Variants in PCDHGA4 observed in about 807,000 individuals in gnomAD.
The protein encoded by PCDHGA4 is protocadherin gamma subfamily A, 4.
A neutral mutation model predicts 54.6 loss-of-function variants in PCDHGA4; 38 were observed. The observed-to-expected ratio is 0.70, with a 90% CI of 0.54 to 0.91. The LOEUF is 0.91. PCDHGA4 is among the 40% of genes least tolerant of loss of function. The pLI is 0.00. For missense variants in PCDHGA4, 1,298 were observed against 1,220.9 expected (o/e 1.06, Z -0.94); for synonymous variants, 511 against 512.9 (o/e 1.00, Z 0.05).
chr5:141,421,561 G>T (rs2096583505), intron 1 of PCDHGA4: 1 of 1,613,992 alleles, frequency 6.2e-7, no homozygotes, highest in Non-Finnish European at 8.5e-7. Context: ...ACTTCTCGTG[G>T]AAGACACCTT....
intron 1 of PCDHGA4, chr5:141,370,382 C>T (rs1326664452): frequency 6.5e-7 from 1 of 1,532,830 alleles, no homozygotes; most frequent in Non-Finnish European, 8.8e-7. Flanking sequence ...AAGGCAAAGG[C>T]GCAGAGAGCG....
chr5:141,428,324 T>C, intron 1 of PCDHGA4: 1 of 642,806 alleles, frequency 1.6e-6, no homozygotes, highest in Non-Finnish European at 2.8e-6. Flanking sequence ...TTGGCCTTGA[T>C]TTCTATGCTC....
intron 3 of PCDHGA4, chr5:141,508,010 CAAG>C (rs2099865550): frequency 6.6e-6 from 1 of 152,308 alleles, no homozygotes; most frequent in Non-Finnish European, 1.5e-5. Context: ...GGGATGCTCT[CAAG>C]GAGGCTGCGG....
At chr5:141,495,379 C>T (rs989240656) in intron 2 of PCDHGA4, among the ~76,000 whole-genome samples, 3 of 152,208 alleles carry the variant, frequency 2.0e-5, no homozygotes, top group Non-Finnish European at 4.4e-5. Context: ...TGAGGAAGGA[C>T]TGGGCGGGGC....
At position 141,398,657 on chromosome 5, in the gene PCDHGA4, G is replaced by A. The variant is rs776950213; in HGVS notation, c.2514+41036G>A. 3.1e-6 allele frequency: 5 copies of A among 1,614,018 alleles called. No individual in the cohort carries two copies. In the South Asian group the frequency reaches 5.5e-5, roughly 18 times the overall value. On this transcript the variant is annotated intron_variant, in intron 1 of 3. Transcript: ENST00000571252. ...AAGTATAAACTCTCTCTTAACCCAA[G>A]TTTCTCATTAATAATTAAGGAGAAA...
In PCDHGA4 at chr5:141,356,111, T is replaced by C; in HGVS notation, c.1004T>C (p.Leu335Ser). The C allele has an allele frequency of 1.2e-6, 2 of 1,613,818 alleles. No homozygotes were observed. Among genetic ancestry groups the C allele is most frequent in the Non-Finnish European group, 1.7e-6 (2 of 1,179,878 alleles). Residue 335 changes from leucine (L) to serine (S), a missense_variant, in exon 1 of 4, where the codon TTG becomes TCG. Transcript: ENST00000571252. ...LNSLSGDITI[L>S]GGLDYEDSGF... ...TCTCTGAGTGGGGATATAACAATAT[T>C]GGGGGGTCTAGATTATGAGGACTCT...
rs185280755 is a variant in PCDHGA4 at position 141,476,824 on chromosome 5, C to T, written c.2515-17983C>T. Reference sequence around the variant, plus strand: ...TGCCTATTCACATCAAGGTGCTGGACGCGAATGACAATGCGCCTGTCTTCA... The same window carrying T: ...TGCCTATTCACATCAAGGTGCTGGATGCGAATGACAATGCGCCTGTCTTCA... On this transcript the variant is annotated intron_variant, in intron 1 of 3. Transcript: ENST00000571252. This position sits in a 1 kb window ranked among gnomAD's most constrained non-coding sequence, Gnocchi z 7.6. 24 of 1,613,588 alleles carry T rather than the reference C, an allele frequency of 1.5e-5. No homozygotes were observed. The East Asian group carries it at 4.5e-4, about 30-fold the overall frequency.
rs1292783135 is a variant in PCDHGA4 at position 141,374,085 on chromosome 5, T to C, written c.2514+16464T>C. The stretch of plus-strand genomic sequence containing the variant: ...AGAGAAGTTCCTAATAAGCCAGTAA[T>C]GGCGCCTCCGCAGAGGCATCCGCAG... On this transcript the variant is annotated intron_variant, in intron 1 of 3. Coordinates refer to ENST00000571252, the MANE Select transcript of PCDHGA4 (RefSeq NM_018917.4). 12 of 1,528,732 alleles carry C rather than the reference T, an allele frequency of 7.8e-6. No individual in the cohort carries two copies. In the Admixed American group the frequency reaches 2.2e-4, roughly 28 times the overall value. 94.7% of individuals were successfully genotyped at this position (1,528,732 alleles called of 1,614,324 possible).
At chr5:141,420,259 G>A (rs775335307) in intron 1 of PCDHGA4, 8 of 1,564,678 alleles carry the variant, frequency 5.1e-6, no homozygotes, top group Non-Finnish European at 6.9e-6. Context: ...AAGCAGATAA[G>A]AAGATTCTTA....
intron 2 of PCDHGA4, among the ~76,000 whole-genome samples, chr5:141,500,187 TA>T (rs56304898): frequency 0.051 from 5,679 of 110,700 alleles, 126 homozygotes; most frequent in Middle Eastern, 0.14. Flanking sequence ...TTTTTATTTT[TA>T]TTTATTTATT....
intron 1 of PCDHGA4, chr5:141,430,744 C>T: frequency 6.7e-7 from 1 of 1,498,404 alleles, no homozygotes; most frequent in Non-Finnish European, 8.9e-7. Flanking sequence ...GAAAATAATT[C>T]TGGAGGAAGA....
At position 141,428,042 on chromosome 5, in the gene PCDHGA4, G is replaced by A; in HGVS notation, c.2515-66765G>A. The A allele has an allele frequency of 1.9e-6, 3 of 1,608,716 alleles. No individual in the cohort carries two copies. The South Asian group carries it at 3.3e-5, about 18-fold the overall frequency. On this transcript the variant is annotated intron_variant, in intron 1 of 3. Transcript: ENST00000571252. ...GCGCCGCAGAGTCCGGCTACCTGGT[G>A]ACCAAGGTGGTGGCGGTGGACGCAG...
intron 1 of PCDHGA4, chr5:141,388,667 G>A (rs1561620639): frequency 1.2e-6 from 2 of 1,613,918 alleles, no homozygotes; most frequent in Non-Finnish European, 8.5e-7. Flanking sequence ...GGACCACGGT[G>A]CTACAGGTGA....
At chr5:141,420,046 A>G (rs772981030) in intron 1 of PCDHGA4, 6 of 1,614,048 alleles carry the variant, frequency 3.7e-6, no homozygotes, top group South Asian at 1.1e-5. Context: ...GCTTTGAGTC[A>G]GTTCTCTGCT....
intron 1 of PCDHGA4, among the ~76,000 whole-genome samples, chr5:141,484,645 T>C (rs948669787): frequency 1.3e-5 from 2 of 151,970 alleles, no homozygotes; most frequent in Admixed American, 6.6e-5. Context: ...CACTCTCCAA[T>C]GGCTACTCTC....
chr5:141,389,286 T>C, intron 1 of PCDHGA4: 1 of 1,614,018 alleles, frequency 6.2e-7, no homozygotes, highest in Non-Finnish European at 8.5e-7. Context: ...GCCTGGAGCC[T>C]CTATTTCACA....
At chr5:141,474,419 A>AT (rs1348108901) in intron 1 of PCDHGA4, among the ~76,000 whole-genome samples, 1 of 152,204 alleles carries the variant, frequency 6.6e-6, no homozygotes, top group Non-Finnish European at 1.5e-5. Context: ...TGCCTAGACC[A>AT]TTGGTCCTCA....
At chr5:141,399,942 G>A (rs780939486) in intron 1 of PCDHGA4, 12 of 1,612,140 alleles carry the variant, frequency 7.4e-6, no homozygotes, top group Middle Eastern at 1.9e-4. Context: ...ACCACGTGCT[G>A]CAGGCTAGCG....
chr5:141,447,885 A>T (rs2098554278), intron 1 of PCDHGA4, among the ~76,000 whole-genome samples: 1 of 152,134 alleles, frequency 6.6e-6, no homozygotes, highest in Admixed American at 6.6e-5. Context: ...CAGGAGTTCG[A>T]GACCAGCCTG....
Sources: allele counts gnomAD v4.1 joint callset (sites outside exome capture counted in the v4.1 genomes callset), GRCh38; gene constraint gnomAD v4.1.1; non-coding constraint Gnocchi (gnomAD v3.1); transcripts MANE v1.5; gene names NCBI Gene and HGNC (gene_info 2026-07-23, HGNC 2026-07-21).